The following POLK variants were observed in gnomAD, a reference collection of about 807,000 sequenced individuals.
POLK encodes DNA polymerase kappa.
Under a neutral mutation model 94.0 loss-of-function variants are expected in POLK, and 76 were observed. That is an observed-to-expected ratio of 0.81 (90% CI 0.67 to 0.98). The LOEUF (loss-of-function observed/expected upper bound fraction) is 0.98. POLK is among the 50% of genes least tolerant of loss of function. The probability of loss-of-function intolerance (pLI) is 0.00; values close to 1 mark genes in which losing one functional copy is unlikely to be tolerated. For synonymous variants in POLK, 349 were observed against 325.4 expected, an observed-to-expected ratio of 1.07 and a Z score of -0.78; for missense variants, 954 against 1,010.1, an observed-to-expected ratio of 0.94 and a Z score of 0.75.
chr5:75,548,508 A>G (rs1050067362), intron 2 of POLK, among the ~76,000 whole-genome samples: 19 of 149,592 alleles, frequency 1.3e-4, no homozygotes, highest in Admixed American at 1.1e-3. Context: ...ATTAATGTAT[A>G]TCAATATTAA....
intron 1 of POLK, among the ~76,000 whole-genome samples, chr5:75,542,758 C>T (rs547845228): frequency 2.7e-5 from 4 of 148,190 alleles, no homozygotes; most frequent in South Asian, 2.1e-4. Context: ...AGTGCAGTGG[C>T]GTGATCTCGG....
chr5:75,515,274 G>A (rs890158511), intron 1 of POLK, among the ~76,000 whole-genome samples: 5 of 152,100 alleles, frequency 3.3e-5, no homozygotes, highest in African/African-American at 1.2e-4. Flanking sequence ...ATAGTCCTGA[G>A]AAGCAGCAAT....
intron 3 of POLK, among the ~76,000 whole-genome samples, chr5:75,557,740 T>C (rs1047753513): frequency 6.6e-6 from 1 of 152,356 alleles, no homozygotes. Flanking sequence ...TTACACTTGT[T>C]CCTAAGTATT....
At chr5:75,555,020 A>G (rs2112675131) in intron 3 of POLK, among the ~76,000 whole-genome samples, 1 of 152,338 alleles carries the variant, frequency 6.6e-6, no homozygotes, top group East Asian at 1.9e-4. Flanking sequence ...GGTTCACAGC[A>G]AAATTGAATA....
At chr5:75,544,202 T>C (rs1769891072) in intron 1 of POLK, among the ~76,000 whole-genome samples, 2 of 152,158 alleles carry the variant, frequency 1.3e-5, no homozygotes, top group Admixed American at 1.3e-4. Flanking sequence ...ATAATATGTC[T>C]TTTCCTTTTA....
chr5:75,562,448 C>A (rs1771039434), intron 3 of POLK, among the ~76,000 whole-genome samples: 1 of 152,058 alleles, frequency 6.6e-6, no homozygotes, highest in Middle Eastern at 3.2e-3. Context: ...AATCATGTCA[C>A]CTGCAAACAG....
At chr5:75,584,555 C>A (rs1455050363) in intron 8 of POLK, among the ~76,000 whole-genome samples, 1 of 151,944 alleles carries the variant, frequency 6.6e-6, no homozygotes, top group Admixed American at 6.6e-5. Context: ...GTAATCCCAG[C>A]TGCTCAGGAG....
At chr5:75,583,302 C>T in exon 8 of POLK, 1 of 1,591,532 alleles carries the variant, frequency 6.3e-7, no homozygotes, top group East Asian at 2.3e-5. Flanking sequence ...GGCATTGCCC[C>T]AAATACAATG....
intron 3 of POLK, among the ~76,000 whole-genome samples, chr5:75,556,995 G>A (rs1770657999): frequency 6.6e-6 from 1 of 152,160 alleles, no homozygotes; most frequent in South Asian, 2.1e-4. Flanking sequence ...CCTGGGAGGT[G>A]GAGGTGGCAG....
At chr5:75,543,010 CTTAT>C (rs61605357) in intron 1 of POLK, among the ~76,000 whole-genome samples, 5,532 of 130,406 alleles carry the variant, frequency 0.042, 150 homozygotes, top group South Asian at 0.095. Flanking sequence ...CGCGCCCAGC[CTTAT>C]TTATTTATTT....
intron 3 of POLK, among the ~76,000 whole-genome samples, chr5:75,554,243 A>T (rs1432041598): frequency 6.6e-6 from 1 of 152,122 alleles, no homozygotes; most frequent in Admixed American, 6.6e-5. Context: ...GGAAGAATAG[A>T]TTTTGGGGTT....
intron 10 of POLK, among the ~76,000 whole-genome samples, chr5:75,589,910 A>G (rs1426985224): frequency 1.3e-5 from 2 of 152,182 alleles, no homozygotes; most frequent in Admixed American, 6.5e-5. Flanking sequence ...CCATGAGCCA[A>G]CCCCTTAAAT....
intron 3 of POLK, among the ~76,000 whole-genome samples, chr5:75,567,181 T>C (rs1486736423): frequency 6.6e-6 from 1 of 152,220 alleles, no homozygotes; most frequent in Non-Finnish European, 1.5e-5. Flanking sequence ...AGGAGAATTT[T>C]TTCCCATTTG....
chr5:75,516,445 T>A (rs939762517), intron 1 of POLK, among the ~76,000 whole-genome samples: 1 of 152,096 alleles, frequency 6.6e-6, no homozygotes, highest in Non-Finnish European at 1.5e-5. Context: ...AGTTTAAAAA[T>A]TAAAATAAAA....
chr5:75,512,077 C>T (rs1416141797), intron 1 of POLK, 163 bp downstream of exon 1: 1 of 336,016 alleles, frequency 3.0e-6, no homozygotes, highest in Non-Finnish European at 5.5e-6. Flanking sequence ...CGTGAGAGAG[C>T]TTTCCGCTGA....
chr5:75,594,042 G>C (rs758348931), exon 12 of POLK: 1 of 1,585,606 alleles, frequency 6.3e-7, no homozygotes, highest in African/African-American at 1.4e-5. Flanking sequence ...TGAGATTAAG[G>C]CTTATGGGTA....
exon 15 of POLK, chr5:75,598,604 T>C (rs2059094): frequency 2.1e-4 from 32 of 152,638 alleles, no homozygotes; most frequent in Non-Finnish European, 4.3e-4. Context: ...CATTATCTTA[T>C]GAATAAGCAC....
intron 1 of POLK, among the ~76,000 whole-genome samples, chr5:75,523,251 A>G (rs1440955628): frequency 2.0e-5 from 3 of 152,212 alleles, no homozygotes; most frequent in Admixed American, 2.0e-4. Context: ...ATCCATTGGG[A>G]TATCTGAATG....
At chr5:75,521,629 GT>G (rs1339596413) in intron 1 of POLK, among the ~76,000 whole-genome samples, 1 of 152,088 alleles carries the variant, frequency 6.6e-6, no homozygotes, top group African/African-American at 2.4e-5. Flanking sequence ...GGAGATAATG[GT>G]TTGCTGTTGT....
Sources: gnomAD v4.1 joint callset for allele counts (sites outside exome capture counted in the v4.1 genomes callset) on GRCh38, gnomAD v4.1.1 for gene constraint, MANE v1.5 for transcripts, NCBI Gene and HGNC (gene_info 2026-07-23, HGNC 2026-07-21) for gene names.